CRHR2: variants seen among roughly 807,000 people sequenced by gnomAD.
The protein encoded by CRHR2 is corticotropin-releasing hormone receptor 2.
Under a neutral mutation model 57.9 loss-of-function variants are expected in CRHR2, and 53 were observed. That is an observed-to-expected ratio of 0.92 (90% confidence interval 0.73 to 1.15). CRHR2 has a LOEUF of 1.15. CRHR2 is among the 50% of genes most tolerant of loss of function. The probability of loss-of-function intolerance (pLI) is 0.00; values close to 1 mark genes in which losing one functional copy is unlikely to be tolerated. For synonymous variants in CRHR2, 213 were observed against 220.9 expected, an observed-to-expected ratio of 0.96 and a Z score of 0.32; for missense variants, 532 against 542.6, an observed-to-expected ratio of 0.98 and a Z score of 0.19.
At chr7:30,691,063 C>A (rs950490024) in intron 1 of CRHR2, among the ~76,000 whole-genome samples, 13 of 152,112 alleles carry the variant, frequency 8.5e-5, no homozygotes, top group African/African-American at 3.1e-4. Context: ...ACCTTGCTGA[C>A]CCCGTGAGCC....
chr7:30,687,534 T>C (rs1784879718), intron 2 of CRHR2, among the ~76,000 whole-genome samples: 1 of 152,188 alleles, frequency 6.6e-6, no homozygotes, highest in South Asian at 2.1e-4. Context: ...TTATAAAAAT[T>C]CCTGGGTTGT....
intron 7 of CRHR2, among the ~76,000 whole-genome samples, chr7:30,661,497 C>T (rs1783998140): frequency 6.6e-6 from 1 of 152,218 alleles, no homozygotes; most frequent in African/African-American, 2.4e-5. Context: ...CTACTCCATT[C>T]TTGCCCCCAC....
intron 1 of CRHR2, chr7:30,699,656 C>T (rs943863594): frequency 1.2e-5 from 3 of 251,798 alleles, no homozygotes; most frequent in African/African-American, 2.3e-5. Flanking sequence ...CAGGGGTCTC[C>T]CAGTCTCATC....
At chr7:30,694,793 A>G (rs1161576312) in intron 1 of CRHR2, among the ~76,000 whole-genome samples, 1 of 151,326 alleles carries the variant, frequency 6.6e-6, no homozygotes, top group African/African-American at 2.4e-5. Context: ...GAGAAGGAGA[A>G]GGCTTGGAGG....
intron 10 of CRHR2, 66 bp downstream of exon 10, chr7:30,655,514 G>C: frequency 6.4e-7 from 1 of 1,557,890 alleles, no homozygotes; most frequent in Non-Finnish European, 8.7e-7. Flanking sequence ...CCTTAGTGAG[G>C]GCATGGCTGC....
chr7:30,656,462 C>A lies in CRHR2; in HGVS notation c.832-450G>T, dbSNP rs1783793566. Among the ~76,000 whole-genome samples the A allele has an allele frequency of 6.6e-6, 1 of 152,200 alleles. No homozygotes were observed. The highest frequency in any genetic ancestry group is 2.4e-5 in the African/African-American group (1 of 41,450). On this transcript the variant is annotated intron_variant, in intron 8 of 11. Transcript: ENST00000471646. This position sits in a 1 kb window ranked among gnomAD's most constrained non-coding sequence, Gnocchi z 4.4. ...CTGAGGTCCTTCTGACTGAGGACAG[C>A]ACTGCCATGGTGGGGCGGACAAGGC... is the stretch of plus-strand genomic sequence containing the variant.
chr7:30,681,302 C>T lies in CRHR2; in HGVS notation c.229+613G>A, dbSNP rs945293140. On this transcript the variant is annotated intron_variant, in intron 2 of 11. Transcript: ENST00000471646. ...TATGGGGGCGCAGGAATAATGCTGC[C>T]CACAGCCCCTGACTCAGCCCAGCAG... Among the ~76,000 whole-genome samples the T allele has an allele frequency of 2.0e-5, 3 of 152,208 alleles. No homozygotes were observed. In the East Asian group the frequency reaches 5.8e-4, roughly 29 times the overall value.
Position 30,653,426 on chromosome 7 carries a change from G to T in CRHR2, c.*34C>A, listed in dbSNP as rs756762492. 6.2e-7 allele frequency: 1 copy of T among 1,607,638 alleles called. No homozygotes were observed. The highest frequency in any genetic ancestry group is 8.5e-7 in the Non-Finnish European group (1 of 1,177,014). Reference sequence around the variant, plus strand: ...AACCCAGAGGAAGAAGGTGGAGGAGGACAGGGGAGCTGTGCAGGTGGGCGA... The same window carrying T: ...AACCCAGAGGAAGAAGGTGGAGGAGTACAGGGGAGCTGTGCAGGTGGGCGA... On this transcript the variant is annotated 3_prime_UTR_variant, in exon 12 of 12. Transcript: ENST00000471646. The surrounding 1 kb of genome is among the most constrained non-coding windows in gnomAD (Gnocchi z 5.0).
chr7:30,696,222 C>T (rs564176330), intron 1 of CRHR2, among the ~76,000 whole-genome samples: 1 of 152,032 alleles, frequency 6.6e-6, no homozygotes, highest in Non-Finnish European at 1.5e-5. Context: ...CATAGTACAA[C>T]AGGGTGACTG....
chr7:30,655,500 AC>A, intron 10 of CRHR2, 79 bp downstream of exon 10: 4 of 1,509,192 alleles, frequency 2.7e-6, no homozygotes, highest in Non-Finnish European at 3.6e-6. Context: ...GTCCCACGGG[AC>A]CCCCTTAGTG....
rs1474135450 is a variant in CRHR2 at position 30,666,620 on chromosome 7, C to T, written c.315+608G>A. 2.6e-5 allele frequency among the ~76,000 whole-genome samples: 4 copies of T among 152,248 alleles called. 1 individual carries two copies. The highest frequency in any genetic ancestry group is 5.9e-5 in the Non-Finnish European group (4 of 68,046). Reference sequence around the variant, plus strand: ...TGTTTTTCCCTCTCAATTTGGACTTCATCTGGGGCAAAGTCCCAGCCCCAC... The same window carrying T: ...TGTTTTTCCCTCTCAATTTGGACTTTATCTGGGGCAAAGTCCCAGCCCCAC... On this transcript the variant is annotated intron_variant, in intron 3 of 11. Transcript: ENST00000471646.
chr7:30,661,994 A>G (rs980218674), intron 7 of CRHR2, among the ~76,000 whole-genome samples, 162 bp downstream of exon 7: 1 of 152,172 alleles, frequency 6.6e-6, no homozygotes, highest in Non-Finnish European at 1.5e-5. Flanking sequence ...AGTACCTCTG[A>G]GTGCAGGACT....
In CRHR2 at chr7:30,653,611, G is replaced by C; in HGVS notation, c.1096-11C>G. 3.1e-6 allele frequency: 5 copies of C among 1,604,922 alleles called. No homozygotes were observed. The highest frequency in any genetic ancestry group is 4.2e-6 in the Non-Finnish European group (5 of 1,177,666). ...CACGGCTGAGCGCACCTGTGGGGAA[G>C]GCAGAGGCTCAGCTGGCTCCCAGGG... On this transcript the variant is annotated splice_polypyrimidine_tract_variant and intron_variant, in intron 11 of 11. Coordinates refer to ENST00000471646, the MANE Select transcript of CRHR2 (RefSeq NM_001883.5). This position sits in a 1 kb window ranked among gnomAD's most constrained non-coding sequence, Gnocchi z 5.0.
intron 1 of CRHR2, among the ~76,000 whole-genome samples, chr7:30,697,766 C>T (rs1785086560): frequency 6.6e-6 from 1 of 152,206 alleles, no homozygotes; most frequent in Non-Finnish European, 1.5e-5. Flanking sequence ...GGGGCCTTAC[C>T]CCCAACCTGC....
At chr7:30,669,229 C>T (rs1304124902) in intron 2 of CRHR2, among the ~76,000 whole-genome samples, 3 of 152,136 alleles carry the variant, frequency 2.0e-5, no homozygotes, top group African/African-American at 7.2e-5. Context: ...GTGCTAGGCC[C>T]CTTCCTTCAG....
intron 8 of CRHR2, among the ~76,000 whole-genome samples, chr7:30,657,974 GC>G (rs1259686489): frequency 6.6e-6 from 1 of 151,994 alleles, no homozygotes; most frequent in South Asian, 2.1e-4. Flanking sequence ...CCATCCACTG[GC>G]CCATCCGTCT....
intron 8 of CRHR2, among the ~76,000 whole-genome samples, chr7:30,659,241 G>T (rs1000567769): frequency 1.3e-5 from 2 of 152,232 alleles, no homozygotes; most frequent in African/African-American, 4.8e-5. Context: ...CAGAGAATGG[G>T]TCTGGAAGAG....
Position 30,672,684 on chromosome 7 carries a change from A to C in CRHR2, c.230-5371T>G, listed in dbSNP as rs143506664. On this transcript the variant is annotated intron_variant, in intron 2 of 11. Transcript: ENST00000471646. ...GCCAAAACTGCAGACATTGCAGTCC[A>C]ACCCCACATGGGGGAGGGGTGTCAG... Among the ~76,000 whole-genome samples, 526 of 152,340 alleles carry C rather than the reference A, an allele frequency of 3.5e-3. 3 individuals are homozygous for C. Among genetic ancestry groups the C allele is most frequent in the African/African-American group, 0.012 (501 of 41,578 alleles).
At chr7:30,699,707 C>T in intron 1 of CRHR2, 2 of 359,076 alleles carry the variant, frequency 5.6e-6, no homozygotes, top group Non-Finnish European at 1.0e-5. Context: ...CCCCTGCCCC[C>T]TCACCCAGGC....
Sources: gnomAD v4.1 joint callset for allele counts (sites outside exome capture counted in the v4.1 genomes callset) on GRCh38, gnomAD v4.1.1 for gene constraint, Gnocchi (gnomAD v3.1) non-coding constraint, MANE v1.5 for transcripts, NCBI Gene and HGNC (gene_info 2026-07-23, HGNC 2026-07-21) for gene names.